Variants in DENND1A observed in about 807,000 individuals in gnomAD.
DENND1A encodes DENN domain containing 1A.
DENND1A carries 51 observed loss-of-function variants against 113.7 expected under a neutral mutation model. The observed-to-expected ratio is 0.45, with a 90% CI of 0.36 to 0.57. The LOEUF is 0.57. Among genes scored for constraint, DENND1A ranks in the 20% least tolerant of loss-of-function variants. DENND1A has a pLI of 0.00. For missense variants in DENND1A, 1,258 were observed against 1,395.9 expected, an observed-to-expected ratio of 0.90 and a Z score of 1.57; for synonymous variants, 565 against 570.8, an observed-to-expected ratio of 0.99 and a Z score of 0.14.
intron 13 of DENND1A, among the ~76,000 whole-genome samples, chr9:123,499,881 G>C (rs1443652707): frequency 1.3e-5 from 2 of 152,194 alleles, no homozygotes; most frequent in Non-Finnish European, 2.9e-5. Context: ...TGGCAAGCAG[G>C]ATCTGGTCCT....
At chr9:123,783,125 G>A (rs955704410) in intron 3 of DENND1A, among the ~76,000 whole-genome samples, 1 of 152,154 alleles carries the variant, frequency 6.6e-6, no homozygotes, top group Non-Finnish European at 1.5e-5. Context: ...TTGAACATGG[G>A]AATCTCAACA....
intron 9 of DENND1A, among the ~76,000 whole-genome samples, chr9:123,641,677 T>C (rs190740200): frequency 6.6e-6 from 1 of 152,270 alleles, no homozygotes; most frequent in Admixed American, 6.5e-5. Context: ...ACTTGATCAG[T>C]CTCTATTATG....
At chr9:123,755,011 C>A (rs1318809811) in intron 5 of DENND1A, among the ~76,000 whole-genome samples, 1 of 152,068 alleles carries the variant, frequency 6.6e-6, no homozygotes, top group Non-Finnish European at 1.5e-5. Flanking sequence ...TAGAGAAAAA[C>A]CTTTTTGCAA....
chr9:123,533,839 G>A (rs1200659952), intron 13 of DENND1A, among the ~76,000 whole-genome samples: 1 of 152,160 alleles, frequency 6.6e-6, no homozygotes, highest in Non-Finnish European at 1.5e-5. Flanking sequence ...CATTCAAGCT[G>A]AACCACTCCC....
chr9:123,856,131 G>GA lies in DENND1A; in HGVS notation c.88+22819dup, dbSNP rs571435044. Among the ~76,000 whole-genome samples, 49 of 152,158 alleles carry GA rather than the reference G, an allele frequency of 3.2e-4. No individual in the cohort carries two copies. In the East Asian group the frequency reaches 8.5e-3, roughly 26 times the overall value. ...TGGCAATGAATTGGATAACAAGGGAGAAAAAAACATAGGAAAAGATCAAGA... is the reference window on the plus strand; with the variant it reads ...TGGCAATGAATTGGATAACAAGGGAGAAAAAAAACATAGGAAAAGATCAAGA... On this transcript the variant is annotated intron_variant, in intron 2 of 23. Transcript: ENST00000394215.
chr9:123,472,553 G>A (rs564429270), intron 13 of DENND1A, among the ~76,000 whole-genome samples: 56 of 152,146 alleles, frequency 3.7e-4, no homozygotes, highest in African/African-American at 1.2e-3. Context: ...GGTACACCCC[G>A]CCCAGCCCTG....
intron 5 of DENND1A, among the ~76,000 whole-genome samples, chr9:123,677,107 C>A (rs1378407479): frequency 3.3e-5 from 5 of 152,332 alleles, no homozygotes; most frequent in South Asian, 2.1e-4. Flanking sequence ...CCTCTCCCAG[C>A]ACACCCACCC....
At chr9:123,384,011 C>T (rs763633087) in intron 22 of DENND1A, 98 bp from the exon 23 acceptor site, 402 of 1,486,708 alleles carry the variant, frequency 2.7e-4, no homozygotes, top group Non-Finnish European at 3.4e-4. Context: ...GAGGGGTGCA[C>T]GCAGGGGCCT....
intron 4 of DENND1A, among the ~76,000 whole-genome samples, chr9:123,758,493 A>G (rs2070764845): frequency 6.6e-6 from 1 of 152,196 alleles, no homozygotes; most frequent in South Asian, 2.1e-4. Flanking sequence ...AAAGAGGAGG[A>G]GCTGAAATTG....
At chr9:123,510,797 A>G (rs1015726075) in intron 13 of DENND1A, among the ~76,000 whole-genome samples, 7 of 152,230 alleles carry the variant, frequency 4.6e-5, no homozygotes, top group Non-Finnish European at 8.8e-5. Context: ...GGGATGCTTT[A>G]CACTAAAATA....
chr9:123,809,196 C>G (rs1398879597), intron 2 of DENND1A, among the ~76,000 whole-genome samples: 1 of 152,198 alleles, frequency 6.6e-6, no homozygotes, highest in Non-Finnish European at 1.5e-5. Flanking sequence ...CCTCCGAGTA[C>G]TTATTTATCT....
At chr9:123,784,782 G>T (rs1831858768) in intron 3 of DENND1A, among the ~76,000 whole-genome samples, 1 of 152,148 alleles carries the variant, frequency 6.6e-6, no homozygotes, top group Non-Finnish European at 1.5e-5. Flanking sequence ...CAGAAAGAAT[G>T]GCTCAAAAAG....
rs754865239 is a variant in DENND1A, at chr9:123,676,677, A to G, written c.372+43T>C. The G allele has an allele frequency of 1.9e-6, 3 of 1,566,944 alleles. No homozygotes were observed. The East Asian group carries it at 7.0e-5, about 37-fold the overall frequency. Reference sequence around the variant, plus strand: ...GTTTTACTTTTTCATCATAAAAATTAAAGCTTATTTGTTTAAAAGAATTAT... The same window carrying G: ...GTTTTACTTTTTCATCATAAAAATTGAAGCTTATTTGTTTAAAAGAATTAT... On this transcript the variant is annotated intron_variant, in intron 6 of 23. Transcript: ENST00000394215.
chr9:123,803,674 A>T (rs943729761), intron 2 of DENND1A, among the ~76,000 whole-genome samples: 1 of 151,850 alleles, frequency 6.6e-6, no homozygotes, highest in African/African-American at 2.4e-5. Flanking sequence ...TATTCATTTT[A>T]CCTCTCTATA....
chr9:123,553,052 T>A (rs2135938286), intron 13 of DENND1A, among the ~76,000 whole-genome samples: 1 of 151,678 alleles, frequency 6.6e-6, no homozygotes, highest in East Asian at 1.9e-4. Context: ...AGCCCAGGAG[T>A]TGAAACCAGC....
At chr9:123,846,748 G>T (rs772920026) in intron 2 of DENND1A, among the ~76,000 whole-genome samples, 3 of 152,150 alleles carry the variant, frequency 2.0e-5, no homozygotes, top group Non-Finnish European at 4.4e-5. Flanking sequence ...TTTATTTGAG[G>T]TGTTGAAAAG....
At chr9:123,676,903 C>T (rs963829503) in intron 5 of DENND1A, 114 bp from the exon 6 acceptor site, 34 of 956,540 alleles carry the variant, frequency 3.6e-5, no homozygotes, top group Non-Finnish European at 4.3e-5. Context: ...GAAGAGTCTT[C>T]CTGTCACAGA....
chr9:123,711,325 C>T (rs992345325), intron 5 of DENND1A, among the ~76,000 whole-genome samples: 7 of 151,114 alleles, frequency 4.6e-5, no homozygotes, highest in African/African-American at 1.2e-4. Context: ...ATTAGCCAGG[C>T]GTGGTGGCGG....
Position 123,819,347 on chromosome 9 carries a change from A to G in DENND1A, c.89-26717T>C, listed in dbSNP as rs185489221. On this transcript the variant is annotated intron_variant, in intron 2 of 23. Transcript: ENST00000394215. ...TCACAAATCGGAATTCTTGCTATGT[A>G]TAATCCAAAATTCAGAAACTGAATA... Among the ~76,000 whole-genome samples the G allele has an allele frequency of 1.4e-3, 206 of 152,274 alleles. 1 individual carries two copies. Among genetic ancestry groups the G allele is most frequent in the African/African-American group, 4.7e-3 (197 of 41,550 alleles).
Sources: allele counts gnomAD v4.1 joint callset (sites outside exome capture counted in the v4.1 genomes callset), GRCh38; gene constraint gnomAD v4.1.1; transcripts MANE v1.5; gene names NCBI Gene and HGNC (gene_info 2026-07-23, HGNC 2026-07-21).